The following FAT3 variants were observed in gnomAD, a reference collection of about 807,000 sequenced individuals.
The protein encoded by FAT3 is FAT atypical cadherin 3.
A neutral mutation model predicts 310.2 loss-of-function variants in FAT3; 95 were observed. The ratio of observed to expected loss-of-function variants is 0.31; its 90% CI spans 0.26 to 0.36. The LOEUF (loss-of-function observed/expected upper bound fraction) is 0.36. Among genes scored for constraint, FAT3 ranks in the 10% least tolerant of loss-of-function variants. The pLI, the probability that FAT3 is intolerant of heterozygous loss-of-function variation, is 1.00. For missense variants in FAT3, 5,408 were observed against 5,715.6 expected, an observed-to-expected ratio of 0.95 and a Z score of 1.74; for synonymous variants, 2,314 against 2,192.9, an observed-to-expected ratio of 1.06 and a Z score of -1.54.
At chr11:92,592,950 C>T (rs981633536) in intron 3 of FAT3, among the ~76,000 whole-genome samples, 7 of 152,116 alleles carry the variant, frequency 4.6e-5, no homozygotes, top group Admixed American at 3.3e-4. Context: ...ACCCTATACT[C>T]GTTAAACAGC....
chr11:92,881,258 T>C (rs954901824), intron 23 of FAT3, among the ~76,000 whole-genome samples: 2 of 152,196 alleles, frequency 1.3e-5, no homozygotes, highest in African/African-American at 4.8e-5. Context: ...CTACGGCCTA[T>C]TGTTTTTTGA....
intron 3 of FAT3, among the ~76,000 whole-genome samples, chr11:92,608,935 A>G (rs979871880): frequency 1.3e-5 from 2 of 152,166 alleles, no homozygotes; most frequent in Admixed American, 1.3e-4. Flanking sequence ...AGGCTACAGT[A>G]TCATGGCACA....
intron 3 of FAT3, among the ~76,000 whole-genome samples, chr11:92,571,972 G>A (rs2135506508): frequency 6.6e-6 from 1 of 152,332 alleles, no homozygotes; most frequent in South Asian, 2.1e-4. Flanking sequence ...GGGATAGAAA[G>A]AGAGCTTGAA....
intron 3 of FAT3, among the ~76,000 whole-genome samples, chr11:92,606,616 GCTAA>G (rs779756151): frequency 6.6e-6 from 1 of 152,152 alleles, no homozygotes; most frequent in Non-Finnish European, 1.5e-5. Flanking sequence ...CAGTCATTCT[GCTAA>G]CTTTTTTATG....
At position 92,615,272 on chromosome 11, in the gene FAT3, G is replaced by T. The variant is rs181232589; in HGVS notation, c.3608-82112G>T. 2.8e-3 allele frequency among the ~76,000 whole-genome samples: 428 copies of T among 152,228 alleles called. 2 individuals carry two copies. The highest frequency in any genetic ancestry group is 9.8e-3 in the African/African-American group (409 of 41,536). The stretch of plus-strand genomic sequence containing the variant: ...ATTTACTTAATTTTTTTGAGACAGA[G>T]TTTCGGTCTTGTTGCCCAGGCTGGA... On this transcript the variant is annotated intron_variant, in intron 3 of 27. Coordinates refer to ENST00000525166, the MANE Select transcript of FAT3 (RefSeq NM_001367949.2).
At chr11:92,693,783 T>C (rs1217595251) in intron 3 of FAT3, among the ~76,000 whole-genome samples, 1 of 152,226 alleles carries the variant, frequency 6.6e-6, no homozygotes, top group African/African-American at 2.4e-5. Flanking sequence ...AAGATGTATT[T>C]ATTTATTTTC....
intron 3 of FAT3, among the ~76,000 whole-genome samples, chr11:92,551,608 T>C (rs111268259): frequency 2.9e-4 from 44 of 152,280 alleles, no homozygotes; most frequent in African/African-American, 1.0e-3. Flanking sequence ...TGTATTATCT[T>C]AAAACATTCA....
chr11:92,494,890 C>A (rs1325931475), intron 2 of FAT3, among the ~76,000 whole-genome samples: 3 of 151,996 alleles, frequency 2.0e-5, no homozygotes, highest in Admixed American at 2.0e-4. Flanking sequence ...ACATTAATAA[C>A]CCTAATACAT....
intron 2 of FAT3, among the ~76,000 whole-genome samples, chr11:92,416,194 T>C (rs1214887391): frequency 2.2e-5 from 3 of 134,498 alleles, no homozygotes; most frequent in African/African-American, 8.5e-5. Flanking sequence ...GCCAACATGG[T>C]GAAACCCCAT....
chr11:92,725,315 T>C (rs1256317078), intron 4 of FAT3, among the ~76,000 whole-genome samples: 1 of 152,132 alleles, frequency 6.6e-6, no homozygotes, highest in Non-Finnish European at 1.5e-5. Context: ...CTGACATGAA[T>C]CACATCAGAA....
At chr11:92,874,832 C>T (rs1163353999) in intron 22 of FAT3, among the ~76,000 whole-genome samples, 2 of 152,152 alleles carry the variant, frequency 1.3e-5, no homozygotes, top group African/African-American at 4.8e-5. Flanking sequence ...AGCCACCACA[C>T]CCGGCCTAGT....
intron 1 of FAT3, among the ~76,000 whole-genome samples, chr11:92,254,160 C>T (rs190713064): frequency 3.8e-3 from 579 of 152,206 alleles, no homozygotes; most frequent in African/African-American, 0.013. Flanking sequence ...ACTGTGCTCC[C>T]TAGAAGACAG....
In FAT3 at chr11:92,297,945, G is replaced by T. The variant is rs75302255; in HGVS notation, c.-17-54151G>T. ...TAATTTGAAAGAGAAATTCTGTCCA[G>T]CATTAGCTGGACATAATAAACCAGC... On this transcript the variant is annotated intron_variant, in intron 1 of 27. Transcript: ENST00000525166. Among the ~76,000 whole-genome samples, 1,338 of 152,230 alleles carry T rather than the reference G, an allele frequency of 8.8e-3. 11 individuals are homozygous for T. The highest frequency in any genetic ancestry group is 0.03 in the African/African-American group (1,258 of 41,556).
At chr11:92,566,906 A>C (rs918714571) in intron 3 of FAT3, among the ~76,000 whole-genome samples, 1 of 152,222 alleles carries the variant, frequency 6.6e-6, no homozygotes, top group Non-Finnish European at 1.5e-5. Context: ...TTAAAGACTT[A>C]AACGTTAGAC....
chr11:92,495,312 A>G (rs1952721301), intron 2 of FAT3, among the ~76,000 whole-genome samples: 1 of 152,084 alleles, frequency 6.6e-6, no homozygotes. Context: ...TTAGTGACAG[A>G]GCTGGGGCTG....
intron 3 of FAT3, among the ~76,000 whole-genome samples, chr11:92,533,043 G>GT (rs1954133371): frequency 6.6e-6 from 1 of 152,064 alleles, no homozygotes; most frequent in Non-Finnish European, 1.5e-5. Context: ...CTATCTGTTT[G>GT]TTTTTTAAGA....
chr11:92,225,240 A>G (rs1388738726), intron 1 of FAT3, among the ~76,000 whole-genome samples, 66 bp downstream of exon 1: 1 of 152,150 alleles, frequency 6.6e-6, no homozygotes, highest in African/African-American at 2.4e-5. Flanking sequence ...CGCCTGCCGG[A>G]GCACAGCCTC....
rs527990412 is a variant in FAT3, at chr11:92,542,622, A to G, written c.3607+17674A>G. ...CATTACTTATCATCAGAGAAATGCA[A>G]ATTGAGATATCACCCCACCCCAATT... On this transcript the variant is annotated intron_variant, in intron 3 of 27. Coordinates refer to ENST00000525166, the MANE Select transcript of FAT3 (RefSeq NM_001367949.2). Among the ~76,000 whole-genome samples the G allele has an allele frequency of 3.3e-5, 5 of 152,086 alleles. No individual in the cohort carries two copies. The East Asian group carries it at 5.8e-4, about 18-fold the overall frequency.
intron 4 of FAT3, among the ~76,000 whole-genome samples, chr11:92,760,462 C>A (rs182501511): frequency 6.6e-6 from 1 of 152,268 alleles, no homozygotes; most frequent in Admixed American, 6.5e-5. Context: ...CTTTATGTTC[C>A]TTCCAGCCTC....
Sources: allele counts gnomAD v4.1 joint callset (sites outside exome capture counted in the v4.1 genomes callset), GRCh38; gene constraint gnomAD v4.1.1; transcripts MANE v1.5; gene names NCBI Gene and HGNC (gene_info 2026-07-23, HGNC 2026-07-21).